GNAO1: variants seen among roughly 807,000 people sequenced by gnomAD.
GNAO1 encodes the protein G protein subunit alpha o1.
For synonymous variants in GNAO1, 164 were observed against 180.7 expected (o/e 0.91, Z 0.74); for missense variants, 166 against 478.7 (o/e 0.35, Z 6.10).
At chr16:56,240,175 C>T (rs934714322) in intron 2 of GNAO1, among the ~76,000 whole-genome samples, 2 of 152,242 alleles carry the variant, frequency 1.3e-5, no homozygotes, top group South Asian at 4.1e-4. Context: ...CTGAAAGCCA[C>T]CTCAGCAGCC....
At chr16:56,331,678 C>A (rs1376315932) in intron 4 of GNAO1, among the ~76,000 whole-genome samples, 1 of 152,196 alleles carries the variant, frequency 6.6e-6, no homozygotes, top group Non-Finnish European at 1.5e-5. Flanking sequence ...GCTGCTGTAT[C>A]CCGTCCCCAA....
intron 3 of GNAO1, chr16:56,301,729 G>A (rs2550312): frequency 0.22 from 33,885 of 151,934 alleles, 4,323 homozygotes; most frequent in East Asian, 0.42. Context: ...CATTCTGCCC[G>A]GCGGAGTGGC....
intron 2 of GNAO1, among the ~76,000 whole-genome samples, chr16:56,226,156 G>A (rs1488029940): frequency 6.6e-6 from 1 of 152,182 alleles, no homozygotes; most frequent in Non-Finnish European, 1.5e-5. Flanking sequence ...AGGGAGCAGG[G>A]AGACCAAGGA....
rs117752165 is a variant in GNAO1 at position 56,256,519 on chromosome 16, C to T, written c.162-19412C>T. Among the ~76,000 whole-genome samples the T allele has an allele frequency of 4.1e-3, 621 of 152,244 alleles. 3 individuals carry two copies. Among genetic ancestry groups the T allele is most frequent in the African/African-American group, 0.014 (587 of 41,532 alleles). ...ACACCAGTTTTTCAGCCTTGTTTCC[C>T]GCATGTACCCCCATCTGCCCAAAGG... On this transcript the variant is annotated intron_variant, in intron 2 of 8. Coordinates refer to ENST00000262493, the MANE Select transcript of GNAO1 (RefSeq NM_020988.3).
intron 2 of GNAO1, among the ~76,000 whole-genome samples, chr16:56,239,060 T>G (rs1335412759): frequency 6.6e-6 from 1 of 152,248 alleles, no homozygotes; most frequent in Non-Finnish European, 1.5e-5. Flanking sequence ...TTTTGTGTCC[T>G]TCTCCCTACC....
intron 3 of GNAO1, among the ~76,000 whole-genome samples, chr16:56,310,198 T>C (rs1354647592): frequency 6.6e-6 from 1 of 151,622 alleles, no homozygotes; most frequent in Non-Finnish European, 1.5e-5. Context: ...CATTGTGGTG[T>C]GCTCCCGTAG....
intron 2 of GNAO1, among the ~76,000 whole-genome samples, chr16:56,259,140 G>A (rs1183699279): frequency 1.3e-5 from 2 of 152,230 alleles, no homozygotes; most frequent in African/African-American, 2.4e-5. Flanking sequence ...AGAAAGCCTT[G>A]TTTCAGAGGG....
chr16:56,199,785 C>T (rs773706815), intron 2 of GNAO1, among the ~76,000 whole-genome samples: 10 of 152,104 alleles, frequency 6.6e-5, no homozygotes, highest in African/African-American at 9.7e-5. Flanking sequence ...TATTTACCAC[C>T]CACAGCTTTT....
intron 2 of GNAO1, among the ~76,000 whole-genome samples, chr16:56,231,515 T>C (rs930049502): frequency 1.3e-5 from 2 of 152,196 alleles, no homozygotes; most frequent in Non-Finnish European, 2.9e-5. Context: ...CCCTAGCACC[T>C]AGAAGAGTAC....
chr16:56,196,275 A>G (rs551231112), intron 2 of GNAO1, among the ~76,000 whole-genome samples: 1 of 152,256 alleles, frequency 6.6e-6, no homozygotes, highest in South Asian at 2.1e-4. Flanking sequence ...ATGTGTGAGT[A>G]ATCAGTGACT....
At chr16:56,218,909 C>T (rs1453399990) in intron 2 of GNAO1, among the ~76,000 whole-genome samples, 7 of 152,184 alleles carry the variant, frequency 4.6e-5, no homozygotes, top group African/African-American at 1.4e-4. Context: ...GAACAGACCG[C>T]CCCTCACTTT....
chr16:56,271,676 A>G (rs2037019481), intron 2 of GNAO1, among the ~76,000 whole-genome samples: 1 of 152,126 alleles, frequency 6.6e-6, no homozygotes, highest in Non-Finnish European at 1.5e-5. Flanking sequence ...GCTGGTCTCA[A>G]ACTCCTGACC....
At chr16:56,259,159 G>A (rs1263212088) in intron 2 of GNAO1, among the ~76,000 whole-genome samples, 2 of 152,192 alleles carry the variant, frequency 1.3e-5, no homozygotes, top group African/African-American at 4.8e-5. Flanking sequence ...GGTGTGGATA[G>A]CACCACTTTA....
intron 4 of GNAO1, among the ~76,000 whole-genome samples, chr16:56,329,916 G>A (rs1386253492): frequency 6.6e-6 from 1 of 152,124 alleles, no homozygotes; most frequent in African/African-American, 2.4e-5. Context: ...TGTGCAGGAC[G>A]GCCCCCACAA....
At chr16:56,269,631 C>G (rs2036995137) in intron 2 of GNAO1, among the ~76,000 whole-genome samples, 1 of 152,176 alleles carries the variant, frequency 6.6e-6, no homozygotes, top group Non-Finnish European at 1.5e-5. Context: ...TCCTGTGGAT[C>G]ATTAAAGGGA....
rs1410323927 is a variant in GNAO1, at chr16:56,192,067, C to G, written c.-169C>G. 7 of 592,394 alleles carry G rather than the reference C, an allele frequency of 1.2e-5. No individual in the cohort carries two copies. Among genetic ancestry groups the G allele is most frequent in the South Asian group, 2.0e-5 (1 of 49,240 alleles). The allele number at this position is 592,394 out of a possible 1,614,324, so 36.7% of individuals were successfully genotyped here. ...CTGCTGGAATCTTGTTAGCGGCTGT[C>G]TTTTTGGAGGGTTCTGGTTTCCCGA... On this transcript the variant is annotated 5_prime_UTR_variant, in exon 1 of 9. Coordinates refer to ENST00000262493, the MANE Select transcript of GNAO1 (RefSeq NM_020988.3).
chr16:56,325,957 G>GA (rs1176968762), intron 3 of GNAO1, among the ~76,000 whole-genome samples: 1 of 152,120 alleles, frequency 6.6e-6, no homozygotes, highest in South Asian at 2.1e-4. Flanking sequence ...AAATCCCAGG[G>GA]AAAGACTACA....
At position 56,351,032 on chromosome 16, in the gene GNAO1, A is replaced by ACACACAGGCACATG. The variant is rs1461889798; in HGVS notation, c.724-344_724-331dup. On this transcript the variant is annotated intron_variant, in intron 6 of 8. Transcript: ENST00000262493. The surrounding 1 kb of genome is among the most constrained non-coding windows in gnomAD (Gnocchi z 6.1). ...GCACACATAACAGGTGCATGCACACACACACAGGCACATGCACACAGCCAC... is the reference window on the plus strand; with the variant it reads ...GCACACATAACAGGTGCATGCACACACACACAGGCACATGCACACAGGCACATGCACACAGCCAC... Among the ~76,000 whole-genome samples, 1 of 152,082 alleles carries ACACACAGGCACATG rather than the reference A, an allele frequency of 6.6e-6. No individual in the cohort carries two copies. Among genetic ancestry groups the ACACACAGGCACATG allele is most frequent in the Non-Finnish European group, 1.5e-5 (1 of 68,012 alleles).
intron 2 of GNAO1, among the ~76,000 whole-genome samples, chr16:56,273,948 G>T (rs1249108720): frequency 6.6e-6 from 1 of 152,186 alleles, no homozygotes; most frequent in Non-Finnish European, 1.5e-5. Context: ...ACCAGCTGTG[G>T]AATCTTACCC....
Sources: gnomAD v4.1 joint callset for allele counts (sites outside exome capture counted in the v4.1 genomes callset) on GRCh38, gnomAD v4.1.1 for gene constraint, Gnocchi (gnomAD v3.1) non-coding constraint, MANE v1.5 for transcripts, NCBI Gene and HGNC (gene_info 2026-07-23, HGNC 2026-07-21) for gene names.